The following TANGO2 variants were observed in gnomAD, a reference collection of about 807,000 sequenced individuals.
TANGO2 encodes transport and golgi organization 2 homolog, also known as transport and Golgi organization protein 2 homolog.
A neutral mutation model predicts 39.1 loss-of-function variants in TANGO2; 26 were observed. The ratio of observed to expected loss-of-function variants is 0.67; its 90% confidence interval spans 0.49 to 0.92. TANGO2 has a LOEUF of 0.92. Ranked by LOEUF, TANGO2 falls within the 40% of genes least tolerant of loss-of-function variation. The pLI is 0.00. For synonymous variants in TANGO2, 131 were observed against 144.5 expected, an observed-to-expected ratio of 0.91 and a Z score of 0.67; for missense variants, 326 against 360.1, an observed-to-expected ratio of 0.91 and a Z score of 0.77.
chr22:20,059,511 G>A (rs1488764716), intron 6 of TANGO2, among the ~76,000 whole-genome samples: 5 of 152,188 alleles, frequency 3.3e-5, no homozygotes, highest in Admixed American at 6.5e-5. Flanking sequence ...CAGTGTATGC[G>A]GGTTGCAGCT....
At position 20,037,006 on chromosome 22, in the gene TANGO2, G is replaced by C. The variant is rs769832097; in HGVS notation, c.56+152G>C. On this transcript the variant is annotated intron_variant, in intron 2 of 8. Transcript: ENST00000327374. ...CTGCCCTCCAGGACAGGGTCACTCA[G>C]TGTGGGATGCTGTCAGAATGCCTCT... The C allele has an allele frequency of 1.9e-6, 3 of 1,585,892 alleles. No individual in the cohort carries two copies. The African/African-American group carries it at 4.0e-5, about 21-fold the overall frequency.
chr22:20,033,099 G>T, intron 1 of TANGO2: 1 of 459,180 alleles, frequency 2.2e-6, no homozygotes. Context: ...GCTGGCTAGA[G>T]CTGGGTTGGG....
intron 5 of TANGO2, chr22:20,055,344 C>T (rs896219602): frequency 6.4e-6 from 1 of 155,848 alleles, no homozygotes; most frequent in Non-Finnish European, 1.4e-5. Flanking sequence ...AGTCTGGTTT[C>T]AAACTCCTGG....
chr22:20,027,874 C>T (rs532153872), intron 1 of TANGO2, among the ~76,000 whole-genome samples: 70 of 152,354 alleles, frequency 4.6e-4, no homozygotes, highest in Middle Eastern at 3.4e-3. Flanking sequence ...TCTCGGTTCA[C>T]GGCGCCCTCC....
In TANGO2 at chr22:20,025,763, C is replaced by G. The variant is rs1344761248; in HGVS notation, c.-40+4517C>G. On this transcript the variant is annotated intron_variant, in intron 1 of 8. Coordinates refer to ENST00000327374, the MANE Select transcript of TANGO2 (RefSeq NM_152906.7). The stretch of plus-strand genomic sequence containing the variant: ...CTTTCTTACTGTGTCACTTTGTGGA[C>G]TTGGGCACCTGCAGAGTGCCTGGCA... 3.3e-5 allele frequency among the ~76,000 whole-genome samples: 5 copies of G among 152,316 alleles called. 1 individual carries two copies. The highest frequency in any genetic ancestry group is 2.0e-4 in the Admixed American group (3 of 15,302).
intron 3 of TANGO2, among the ~76,000 whole-genome samples, chr22:20,043,891 G>A (rs764164081): frequency 1.3e-5 from 2 of 152,148 alleles, no homozygotes; most frequent in Admixed American, 6.5e-5. Flanking sequence ...GTGGGGCTGA[G>A]TTTGGGAAGC....
intron 3 of TANGO2, among the ~76,000 whole-genome samples, chr22:20,045,469 AT>A (rs1444703324): frequency 2.7e-5 from 4 of 148,908 alleles, no homozygotes; most frequent in Non-Finnish European, 1.5e-5. Flanking sequence ...AATCAAAATC[AT>A]TAAATTCATA....
chr22:20,060,348 C>CAAAAA (rs1180539682), intron 6 of TANGO2, among the ~76,000 whole-genome samples: 2 of 80,688 alleles, frequency 2.5e-5, no homozygotes, highest in African/African-American at 1.0e-4. Flanking sequence ...GACTCCGTCT[C>CAAAAA]AAAAAAAAAA....
intron 2 of TANGO2, among the ~76,000 whole-genome samples, chr22:20,040,751 C>T (rs556562066): frequency 2.0e-5 from 3 of 152,356 alleles, no homozygotes; most frequent in African/African-American, 7.2e-5. Context: ...GCTCTCCTGC[C>T]ATCCCTGCTG....
chr22:20,052,607 A>G (rs758080833), intron 4 of TANGO2, 23 bp downstream of exon 4: 3 of 1,549,400 alleles, frequency 1.9e-6, no homozygotes, highest in East Asian at 4.9e-5. Context: ...GGGTGGGGCC[A>G]AGGTGAGACA....
At chr22:20,037,053 T>C (rs764794010) in intron 2 of TANGO2, 199 bp downstream of exon 2, 11 of 1,547,864 alleles carry the variant, frequency 7.1e-6, no homozygotes, top group African/African-American at 1.4e-5. Context: ...CTCCAGTCAA[T>C]GTACAAAGAC....
intron 1 of TANGO2, among the ~76,000 whole-genome samples, chr22:20,024,740 C>T (rs2040405198): frequency 6.6e-6 from 1 of 152,220 alleles, no homozygotes; most frequent in Admixed American, 6.5e-5. Context: ...TCCTCTGTCA[C>T]CACTGCTTTC....
At chr22:20,031,591 T>A (rs2041884906) in intron 1 of TANGO2, among the ~76,000 whole-genome samples, 1 of 152,202 alleles carries the variant, frequency 6.6e-6, no homozygotes, top group South Asian at 2.1e-4. Flanking sequence ...GTGGGCCTGG[T>A]GAGGCCTGGC....
At chr22:20,052,694 G>C in intron 4 of TANGO2, 110 bp downstream of exon 4, 1 of 1,391,044 alleles carries the variant, frequency 7.2e-7, no homozygotes, top group Non-Finnish European at 9.7e-7. Flanking sequence ...TGGTGGAGTG[G>C]GGCGGGCCAA....
intron 5 of TANGO2, chr22:20,055,692 C>T: frequency 1.7e-6 from 1 of 575,758 alleles, no homozygotes; most frequent in Non-Finnish European, 3.1e-6. Context: ...CATTTTAGAT[C>T]CTGTGCCTCC....
intron 1 of TANGO2, among the ~76,000 whole-genome samples, chr22:20,032,351 C>G (rs2042030777): frequency 6.6e-6 from 1 of 152,268 alleles, no homozygotes; most frequent in Non-Finnish European, 1.5e-5. Context: ...TGGTCTTAGC[C>G]CCTTGGGGCA....
At chr22:20,020,921 A>G (rs1174669439), upstream of TANGO2, 1 of 152,078 alleles carries the variant, frequency 6.6e-6, no homozygotes, top group Non-Finnish European at 1.5e-5. Context: ...CGCAGCCCGA[A>G]GCTTTGGCGC....
At chr22:20,036,276 G>A (rs2042838010) in intron 1 of TANGO2, among the ~76,000 whole-genome samples, 1 of 152,148 alleles carries the variant, frequency 6.6e-6, no homozygotes, top group South Asian at 2.1e-4. Context: ...TGCGTACTAG[G>A]GGATAAATTG....
chr22:20,033,412 G>A (rs530997861), intron 1 of TANGO2, among the ~76,000 whole-genome samples: 1 of 152,336 alleles, frequency 6.6e-6, no homozygotes, highest in Non-Finnish European at 1.5e-5. Context: ...CTGAACTGGG[G>A]GTGCCTTTCT....
Sources: gnomAD v4.1 joint callset for allele counts (sites outside exome capture counted in the v4.1 genomes callset) on GRCh38, gnomAD v4.1.1 for gene constraint, MANE v1.5 for transcripts, NCBI Gene and HGNC (gene_info 2026-07-23, HGNC 2026-07-21) for gene names.